EXOC4: variants seen among roughly 807,000 people sequenced by gnomAD.
The protein encoded by EXOC4 is exocyst complex component 4.
Under a neutral mutation model 107.2 loss-of-function variants are expected in EXOC4, and 71 were observed. That is an observed-to-expected ratio of 0.66 (90% CI 0.55 to 0.81). The LOEUF (loss-of-function observed/expected upper bound fraction) is 0.81. EXOC4 is among the 30% of genes least tolerant of loss of function. The probability of loss-of-function intolerance (pLI) is 0.00; values close to 1 mark genes in which losing one functional copy is unlikely to be tolerated. For synonymous variants in EXOC4, 456 were observed against 441.2 expected, an observed-to-expected ratio of 1.03 and a Z score of -0.42; for missense variants, 1,108 against 1,189.6, an observed-to-expected ratio of 0.93 and a Z score of 1.01.
intron 9 of EXOC4, among the ~76,000 whole-genome samples, chr7:133,546,108 ACT>A (rs1442595660): frequency 6.6e-6 from 1 of 151,908 alleles, no homozygotes; most frequent in Admixed American, 6.6e-5. Context: ...ATAGCCAGTC[ACT>A]CTGTTGATTC....
chr7:133,853,442 G>T (rs1387308145), intron 11 of EXOC4, among the ~76,000 whole-genome samples: 1 of 150,062 alleles, frequency 6.7e-6, no homozygotes. Context: ...TGTTGCCCAG[G>T]CTGGTCTTGA....
intron 9 of EXOC4, among the ~76,000 whole-genome samples, chr7:133,603,789 G>C (rs1801866687): frequency 6.6e-6 from 1 of 152,130 alleles, no homozygotes; most frequent in South Asian, 2.1e-4. Flanking sequence ...ATATTCTACT[G>C]TAGATGTTAT....
intron 7 of EXOC4, among the ~76,000 whole-genome samples, chr7:133,394,460 A>T (rs1275314880): frequency 6.6e-6 from 1 of 152,144 alleles, no homozygotes; most frequent in Non-Finnish European, 1.5e-5. Context: ...AGCTTCTATT[A>T]TGTAATTCTT....
At chr7:133,316,912 T>C (rs1795002643) in intron 4 of EXOC4, among the ~76,000 whole-genome samples, 1 of 152,204 alleles carries the variant, frequency 6.6e-6, no homozygotes, top group South Asian at 2.1e-4. Context: ...TCTTTCTTTG[T>C]TGATAAATTA....
intron 10 of EXOC4, among the ~76,000 whole-genome samples, chr7:133,750,126 T>C (rs1795765811): frequency 6.6e-6 from 1 of 151,790 alleles, no homozygotes; most frequent in Non-Finnish European, 1.5e-5. Context: ...GAAGGGAGGT[T>C]GTATATTAGA....
intron 17 of EXOC4, among the ~76,000 whole-genome samples, chr7:134,020,705 T>C (rs993118722): frequency 3.3e-5 from 5 of 152,156 alleles, no homozygotes; most frequent in African/African-American, 1.2e-4. Context: ...TTTCCTCATC[T>C]ATAAAATGAA....
intron 9 of EXOC4, among the ~76,000 whole-genome samples, chr7:133,613,367 C>G (rs1802117204): frequency 6.6e-6 from 1 of 152,116 alleles, no homozygotes; most frequent in South Asian, 2.1e-4. Flanking sequence ...ACCGTGAGCT[C>G]AAGCGTTGCG....
intron 7 of EXOC4, among the ~76,000 whole-genome samples, chr7:133,378,950 C>T (rs1325073723): frequency 1.3e-5 from 2 of 151,884 alleles, no homozygotes; most frequent in East Asian, 3.9e-4. Context: ...TTAAAAAAAA[C>T]CAAGACCCAA....
At position 133,364,141 on chromosome 7, in the gene EXOC4, ATGGAGATGTGGT is replaced by A. The variant is rs1563036314; in HGVS notation, c.1007+7569_1007+7580del. Among the ~76,000 whole-genome samples the A allele has an allele frequency of 2.6e-5, 4 of 152,032 alleles. No individual in the cohort carries two copies. In the South Asian group the frequency reaches 8.3e-4, roughly 32 times the overall value. ...ACGAAATGCCTACAAGTTTATTTTT[ATGGAGATGTGGT>A]CTCACTCTGTCGCTGAGGCTGGAAT... On this transcript the variant is annotated intron_variant, in intron 6 of 17. Coordinates refer to ENST00000253861, the MANE Select transcript of EXOC4 (RefSeq NM_021807.4).
intron 1 of EXOC4, among the ~76,000 whole-genome samples, chr7:133,262,949 A>C (rs1795186683): frequency 1.3e-5 from 2 of 152,218 alleles, no homozygotes. Flanking sequence ...TCATGGGGGC[A>C]GGTCTTTCCT....
At chr7:133,522,828 G>A (rs1800004958) in intron 9 of EXOC4, among the ~76,000 whole-genome samples, 1 of 152,088 alleles carries the variant, frequency 6.6e-6, no homozygotes, top group African/African-American at 2.4e-5. Flanking sequence ...CTTTCATTCT[G>A]TGGGTGACTA....
At chr7:133,751,418 A>G (rs1245659208) in intron 10 of EXOC4, among the ~76,000 whole-genome samples, 1 of 152,202 alleles carries the variant, frequency 6.6e-6, no homozygotes, top group African/African-American at 2.4e-5. Flanking sequence ...AGCCCAAAAT[A>G]GTTTGAAATT....
chr7:133,332,416 G>A (rs1195033259), intron 5 of EXOC4, among the ~76,000 whole-genome samples: 3 of 152,106 alleles, frequency 2.0e-5, no homozygotes, highest in African/African-American at 7.2e-5. Flanking sequence ...AGATCACGAG[G>A]TCAGGAGATC....
At chr7:133,292,771 C>T (rs1317768981) in intron 3 of EXOC4, among the ~76,000 whole-genome samples, 1 of 152,124 alleles carries the variant, frequency 6.6e-6, no homozygotes, top group Admixed American at 6.6e-5. Context: ...TTGTGTCTTA[C>T]CTATTTTTGT....
chr7:134,056,079 CACT>C (rs1431915923), intron 17 of EXOC4, among the ~76,000 whole-genome samples: 10 of 152,270 alleles, frequency 6.6e-5, no homozygotes, highest in African/African-American at 9.6e-5. Context: ...AGATAATATA[CACT>C]ACAAGAGTCT....
chr7:133,670,303 C>T (rs943585276), intron 10 of EXOC4, among the ~76,000 whole-genome samples: 5 of 152,118 alleles, frequency 3.3e-5, no homozygotes, highest in African/African-American at 9.7e-5. Context: ...CTCACTTGTA[C>T]GATGGAGCAA....
chr7:133,899,701 T>G (rs1799406397), intron 12 of EXOC4, among the ~76,000 whole-genome samples: 1 of 151,764 alleles, frequency 6.6e-6, no homozygotes, highest in Non-Finnish European at 1.5e-5. Context: ...GTGTCCATCT[T>G]AAAAAGGAGT....
chr7:133,491,646 T>C (rs529811263), intron 9 of EXOC4, among the ~76,000 whole-genome samples: 2 of 152,330 alleles, frequency 1.3e-5, no homozygotes, highest in African/African-American at 4.8e-5. Flanking sequence ...CTGGGGCCTG[T>C]TCCTGGAACA....
At chr7:133,488,565 G>T (rs1307621927) in intron 9 of EXOC4, among the ~76,000 whole-genome samples, 1 of 152,094 alleles carries the variant, frequency 6.6e-6, no homozygotes, top group South Asian at 2.1e-4. Context: ...ATAAAGAATG[G>T]TGAGACAATT....
Sources: gnomAD v4.1 joint callset for allele counts (sites outside exome capture counted in the v4.1 genomes callset) on GRCh38, gnomAD v4.1.1 for gene constraint, MANE v1.5 for transcripts, NCBI Gene and HGNC (gene_info 2026-07-23, HGNC 2026-07-21) for gene names.